The following NF1 variants were observed in gnomAD, a reference collection of about 807,000 sequenced individuals.
NF1 encodes the protein neurofibromin 1, also known as neurofibromin.
In NF1, 122 loss-of-function variants were observed where a neutral mutation model predicts 325.7. That is an observed-to-expected ratio of 0.37 (90% confidence interval 0.32 to 0.44). NF1 has a LOEUF of 0.44. Among genes scored for constraint, NF1 ranks in the 20% least tolerant of loss-of-function variants. The probability of loss-of-function intolerance (pLI) is 1.00; values close to 1 mark genes in which losing one functional copy is unlikely to be tolerated. For synonymous variants in NF1, 1,091 were observed against 1,186.0 expected (o/e 0.92, Z 1.65); for missense variants, 2,140 against 3,415.4 (o/e 0.63, Z 9.31).
At chr17:31,156,194 CA>C (rs2065659257) in intron 2 of NF1, 68 bp downstream of exon 2, 1 of 1,557,104 alleles carries the variant, frequency 6.4e-7, no homozygotes, top group African/African-American at 1.4e-5. Context: ...AAGTTTAGAA[CA>C]GCATATTTTG....
chr17:31,231,160 A>G (rs1259686412), intron 24 of NF1, among the ~76,000 whole-genome samples: 2 of 152,194 alleles, frequency 1.3e-5, no homozygotes, highest in African/African-American at 2.4e-5. Context: ...TTGTCAGTTT[A>G]TGAAGAATAG....
chr17:31,237,566 C>T lies in NF1; in HGVS notation c.3974+1545C>T, dbSNP rs1010338680. On this transcript the variant is annotated intron_variant, in intron 29 of 57. Coordinates refer to ENST00000358273, the MANE Select transcript of NF1 (RefSeq NM_001042492.3). ...TGCTGGGATTACAGATGTGAGCCAC[C>T]ACGCCTGGCCAAAGCAATGTTTTGT... Among the ~76,000 whole-genome samples, 8 of 152,078 alleles carry T rather than the reference C, an allele frequency of 5.3e-5. No homozygotes were observed. In the South Asian group the frequency reaches 1.7e-3, roughly 32 times the overall value.
At position 31,151,199 on chromosome 17, in the gene NF1, G is replaced by GAGTA. The variant is rs1916920536; in HGVS notation, c.61-4783_61-4780dup. ...AAACACCATGTGTTCAAGTTGCCAA[G>GAGTA]AGTATTCAGTACAATAACATGCTGT... is the stretch of plus-strand genomic sequence containing the variant. On this transcript the variant is annotated intron_variant, in intron 1 of 57. Coordinates refer to ENST00000358273, the MANE Select transcript of NF1 (RefSeq NM_001042492.3). 3.3e-5 allele frequency among the ~76,000 whole-genome samples: 5 copies of GAGTA among 152,002 alleles called. 1 individual carries two copies. In the South Asian group the frequency reaches 1.0e-3, roughly 32 times the overall value.
At chr17:31,114,713 G>T (rs1232385412) in intron 1 of NF1, among the ~76,000 whole-genome samples, 2 of 151,816 alleles carry the variant, frequency 1.3e-5, no homozygotes, top group Non-Finnish European at 2.9e-5. Context: ...TATTAGCTGG[G>T]CGTGGTGGCA....
chr17:31,182,758 A>G (rs1302789941), intron 8 of NF1, 93 bp downstream of exon 8: 7 of 1,231,474 alleles, frequency 5.7e-6, no homozygotes, highest in East Asian at 5.0e-5. Flanking sequence ...TATTTAAGCA[A>G]AGTATTTCAG....
At chr17:31,164,675 G>A (rs1173496220) in intron 4 of NF1, among the ~76,000 whole-genome samples, 1 of 152,122 alleles carries the variant, frequency 6.6e-6, no homozygotes, top group Non-Finnish European at 1.5e-5. Flanking sequence ...TTGAGAATTT[G>A]TGTTACGGTT....
chr17:31,140,831 A>T (rs887093707), intron 1 of NF1, among the ~76,000 whole-genome samples: 1 of 152,262 alleles, frequency 6.6e-6, no homozygotes, highest in African/African-American at 2.4e-5. Flanking sequence ...CCTTATGCTA[A>T]GTGAAATAGA....
intron 1 of NF1, among the ~76,000 whole-genome samples, chr17:31,125,508 GC>G (rs1914802959): frequency 6.6e-6 from 1 of 151,892 alleles, no homozygotes; most frequent in African/African-American, 2.4e-5. Flanking sequence ...ACTAAGTAAT[GC>G]CAAATTTTTC....
intron 36 of NF1, chr17:31,318,530 T>C (rs1313536827): frequency 6.2e-7 from 1 of 1,614,104 alleles, no homozygotes; most frequent in Admixed American, 1.7e-5. Flanking sequence ...GAAGAGACTT[T>C]GTTTGCCAAA....
At chr17:31,228,843 T>C (rs1001685123) in intron 20 of NF1, among the ~76,000 whole-genome samples, 182 bp from the exon 21 acceptor site, 1 of 152,252 alleles carries the variant, frequency 6.6e-6, no homozygotes, top group Non-Finnish European at 1.5e-5. Flanking sequence ...TATATTAGTG[T>C]ATGATAAAAA....
intron 1 of NF1, among the ~76,000 whole-genome samples, chr17:31,112,319 A>T (rs988447267): frequency 6.6e-6 from 1 of 152,210 alleles, no homozygotes; most frequent in African/African-American, 2.4e-5. Context: ...TGGTGGATGT[A>T]TATAATAATG....
chr17:31,367,093 C>T (rs1198284974), intron 57 of NF1: 1 of 313,038 alleles, frequency 3.2e-6, no homozygotes. Flanking sequence ...GGTCAGAATT[C>T]AATAATTAAA....
chr17:31,329,417 G>A (rs535384055), intron 38 of NF1, among the ~76,000 whole-genome samples: 1 of 152,204 alleles, frequency 6.6e-6, no homozygotes, highest in Non-Finnish European at 1.5e-5. Flanking sequence ...CCTTTAGGCA[G>A]ACTTAAATTC....
At position 31,201,120 on chromosome 17, in the gene NF1, T is replaced by C. The variant is rs2143879905; in HGVS notation, c.1146T>C (p.Ser382=). The C allele has an allele frequency of 6.2e-7, 1 of 1,614,166 alleles. No homozygotes were observed. The highest frequency in any genetic ancestry group is 1.3e-5 in the African/African-American group (1 of 75,062). ...DVDLMIDCLV[S]CFRISPHNNQ... is the part of the protein sequence containing the mutation. ...ATCTAATGATTGACTGCCTTGTTTC[T>C]TGCTTTCGTATAAGCCCTCACAACA... Residue 382 remains serine, a synonymous_variant, in exon 10 of 58, where the codon TCT becomes TCC. Transcript: ENST00000358273.
chr17:31,133,018 C>G (rs1915505404), intron 1 of NF1, among the ~76,000 whole-genome samples: 1 of 152,194 alleles, frequency 6.6e-6, no homozygotes, highest in South Asian at 2.1e-4. Context: ...ACGTTACCAT[C>G]TTAACTGTTC....
At chr17:31,270,278 A>G (rs1035625908) in intron 36 of NF1, among the ~76,000 whole-genome samples, 1 of 152,206 alleles carries the variant, frequency 6.6e-6, no homozygotes, top group African/African-American at 2.4e-5. Context: ...GCTTGCCAGG[A>G]GCATATATTG....
chr17:31,177,065 G>A (rs1029434218), intron 5 of NF1, among the ~76,000 whole-genome samples: 1 of 152,146 alleles, frequency 6.6e-6, no homozygotes, highest in African/African-American at 2.4e-5. Context: ...GTTTGATGGG[G>A]ATAGCATTGA....
chr17:31,113,400 C>T (rs1913598466), intron 1 of NF1, among the ~76,000 whole-genome samples: 1 of 152,024 alleles, frequency 6.6e-6, no homozygotes, highest in Admixed American at 6.5e-5. Flanking sequence ...TACATGCCAC[C>T]ACGCTCGGCT....
intron 14 of NF1, among the ~76,000 whole-genome samples, chr17:31,219,607 A>G (rs973659670): frequency 6.6e-6 from 1 of 150,486 alleles, no homozygotes; most frequent in African/African-American, 2.4e-5. Context: ...AGCATTAGGT[A>G]TATCTCCTAA....
Sources: allele counts gnomAD v4.1 joint callset (sites outside exome capture counted in the v4.1 genomes callset), GRCh38; gene constraint gnomAD v4.1.1; transcripts MANE v1.5; gene names NCBI Gene and HGNC (gene_info 2026-07-23, HGNC 2026-07-21).